CAP2: variants seen among roughly 807,000 people sequenced by gnomAD.
CAP2 encodes adenylyl cyclase-associated protein 2.
In CAP2, 24 loss-of-function variants were observed where a neutral mutation model predicts 57.7. That is an observed-to-expected ratio of 0.42 (90% CI 0.30 to 0.58). CAP2 has a LOEUF of 0.58. Among genes scored for constraint, CAP2 ranks in the 20% least tolerant of loss-of-function variants. The probability of loss-of-function intolerance (pLI) is 0.22; values close to 1 mark genes in which losing one functional copy is unlikely to be tolerated. For missense variants in CAP2, 501 were observed against 590.3 expected (o/e 0.85, Z 1.57); for synonymous variants, 194 against 207.2 (o/e 0.94, Z 0.55).
At chr6:17,514,102 G>T in intron 7 of CAP2, 148 bp downstream of exon 7, 1 of 621,926 alleles carries the variant, frequency 1.6e-6, no homozygotes, top group East Asian at 2.8e-5. Flanking sequence ...GGTGGCTCAC[G>T]CCTGTAATCC....
At chr6:17,397,694 CAAAAAAAAAAAA>C (rs554131865) in intron 1 of CAP2, among the ~76,000 whole-genome samples, 8 of 70,608 alleles carry the variant, frequency 1.1e-4, no homozygotes, top group South Asian at 1.2e-3. Context: ...GACTCCATAT[CAAAAAAAAAAAA>C]AAAAAAAAAA....
intron 4 of CAP2, among the ~76,000 whole-genome samples, chr6:17,470,972 T>A (rs1761002747): frequency 6.6e-6 from 1 of 152,228 alleles, no homozygotes; most frequent in Non-Finnish European, 1.5e-5. Context: ...ATGCGATATT[T>A]CAAAATTTCT....
At chr6:17,450,508 T>C (rs918616022) in intron 3 of CAP2, among the ~76,000 whole-genome samples, 1 of 152,180 alleles carries the variant, frequency 6.6e-6, no homozygotes, top group African/African-American at 2.4e-5. Context: ...AGATTCTAGG[T>C]CTGGATGTAG....
chr6:17,535,949 G>T (rs751022071), intron 7 of CAP2, among the ~76,000 whole-genome samples: 1 of 152,158 alleles, frequency 6.6e-6, no homozygotes, highest in Non-Finnish European at 1.5e-5. Flanking sequence ...CTCCCAAAGT[G>T]CTGGGATTAC....
intron 7 of CAP2, among the ~76,000 whole-genome samples, chr6:17,517,636 C>T (rs1031740519): frequency 1.3e-5 from 2 of 152,158 alleles, no homozygotes; most frequent in Non-Finnish European, 2.9e-5. Flanking sequence ...TGTGGTGGCT[C>T]ACGCCTGTAA....
intron 7 of CAP2, among the ~76,000 whole-genome samples, chr6:17,531,810 C>G (rs576485993): frequency 6.6e-6 from 1 of 152,288 alleles, no homozygotes; most frequent in South Asian, 2.1e-4. Context: ...ATCACCCAGA[C>G]CGTCCTGAGG....
intron 4 of CAP2, among the ~76,000 whole-genome samples, chr6:17,483,263 T>C (rs1761338521): frequency 6.6e-6 from 1 of 152,266 alleles, no homozygotes. Flanking sequence ...CAAGGAGGGA[T>C]TACCATCTGT....
Position 17,556,423 on chromosome 6 carries a change from C to T in CAP2, c.1415C>T (p.Pro472Leu). The T allele has an allele frequency of 6.2e-7, 1 of 1,612,866 alleles. No homozygotes were observed. The highest frequency in any genetic ancestry group is 8.5e-7 in the Non-Finnish European group (1 of 1,178,854). ...GATGGATCCAAGTTAATCACTGAACCTGCAGAAATTATGGCCTAACTTCCT... is the reference window on the plus strand; with the variant it reads ...GATGGATCCAAGTTAATCACTGAACTTGCAGAAATTATGGCCTAACTTCCT... ...AWDGSKLITE[P>L]AEIMA is the part of the protein sequence containing the mutation. The change falls in exon 13 of 13, where the codon CCT (proline) becomes CTT (leucine). Residue 472 changes from proline to leucine, a missense_variant. By Grantham distance (98) the Pro-to-Leu change is moderately conservative. Transcript: ENST00000229922.
At chr6:17,442,279 G>C (rs1466976821) in intron 3 of CAP2, among the ~76,000 whole-genome samples, 2 of 152,218 alleles carry the variant, frequency 1.3e-5, no homozygotes, top group Non-Finnish European at 2.9e-5. Flanking sequence ...TTAGTGTGCA[G>C]CTGTGGATGG....
At chr6:17,427,470 A>G (rs933584662) in intron 3 of CAP2, among the ~76,000 whole-genome samples, 6 of 152,124 alleles carry the variant, frequency 3.9e-5, no homozygotes, top group African/African-American at 1.4e-4. Context: ...ATCACCTCAT[A>G]TCCATTGGGA....
chr6:17,544,524 T>G (rs1048762634), intron 11 of CAP2, among the ~76,000 whole-genome samples: 3 of 151,160 alleles, frequency 2.0e-5, no homozygotes, highest in Non-Finnish European at 4.4e-5. Context: ...TTCTTGGTTT[T>G]GGCCAATTAT....
At chr6:17,400,726 G>A (rs547537235) in intron 1 of CAP2, among the ~76,000 whole-genome samples, 170 of 151,600 alleles carry the variant, frequency 1.1e-3, no homozygotes, top group African/African-American at 3.7e-3. Flanking sequence ...TTAGCCAGGC[G>A]TGGTGGCAGG....
At chr6:17,506,280 C>A (rs2113656138) in intron 4 of CAP2, among the ~76,000 whole-genome samples, 1 of 152,248 alleles carries the variant, frequency 6.6e-6, no homozygotes, top group African/African-American at 2.4e-5. Context: ...TGACCTGTAG[C>A]CATAGGCGAA....
chr6:17,455,999 C>T lies in CAP2; in HGVS notation c.223-6997C>T, dbSNP rs145331775. On this transcript the variant is annotated intron_variant, in intron 3 of 12. Transcript: ENST00000229922. ...CTAACAGTTTTGTAGTGGATGGCCT[C>T]TGAGCTGTTTTGTTAATTCATCTGC... 4.4e-3 allele frequency among the ~76,000 whole-genome samples: 666 copies of T among 152,294 alleles called. 5 individuals carry two copies. Among genetic ancestry groups the T allele is most frequent in the African/African-American group, 0.015 (628 of 41,564 alleles).
chr6:17,412,918 C>G (rs886665269), intron 1 of CAP2, among the ~76,000 whole-genome samples: 1 of 152,146 alleles, frequency 6.6e-6, no homozygotes, highest in African/African-American at 2.4e-5. Flanking sequence ...ACTGCAAGAT[C>G]TCTTGGAGGA....
chr6:17,453,946 G>A (rs970243464), intron 3 of CAP2, among the ~76,000 whole-genome samples: 29 of 141,744 alleles, frequency 2.0e-4, no homozygotes, highest in African/African-American at 6.6e-4. Flanking sequence ...TTGCCATGGC[G>A]TGATCACGGC....
At chr6:17,403,804 C>T (rs563808087) in intron 1 of CAP2, among the ~76,000 whole-genome samples, 1 of 152,254 alleles carries the variant, frequency 6.6e-6, no homozygotes, top group East Asian at 1.9e-4. Context: ...TAAAGACCAG[C>T]CTGTTCCAGT....
At chr6:17,471,977 GA>G (rs1334967965) in intron 4 of CAP2, among the ~76,000 whole-genome samples, 86 of 152,286 alleles carry the variant, frequency 5.6e-4, no homozygotes, top group African/African-American at 2.0e-3. Flanking sequence ...CTCACTTTAT[GA>G]GCTTTTCCAA....
intron 7 of CAP2, among the ~76,000 whole-genome samples, chr6:17,516,360 C>T (rs1374272220): frequency 6.6e-6 from 1 of 152,182 alleles, no homozygotes; most frequent in African/African-American, 2.4e-5. Flanking sequence ...TGAGGGGACT[C>T]TTAGAATGTT....
Sources: gnomAD v4.1 joint callset for allele counts (sites outside exome capture counted in the v4.1 genomes callset) on GRCh38, gnomAD v4.1.1 for gene constraint, MANE v1.5 for transcripts, NCBI Gene and HGNC (gene_info 2026-07-23, HGNC 2026-07-21) for gene names.